The following IGSF21 variants were observed in gnomAD, a reference collection of about 807,000 sequenced individuals.
IGSF21 encodes immunoglobulin superfamily member 21.
Under a neutral mutation model 46.8 loss-of-function variants are expected in IGSF21, and 28 were observed. The observed-to-expected ratio is 0.60, with a 90% CI of 0.44 to 0.82. The LOEUF (loss-of-function observed/expected upper bound fraction) is 0.82. Among genes scored for constraint, IGSF21 ranks in the 40% least tolerant of loss-of-function variants. IGSF21 has a pLI of 0.00. For missense variants in IGSF21, 624 were observed against 665.5 expected (o/e 0.94, Z 0.69); for synonymous variants, 284 against 273.6 (o/e 1.04, Z -0.38).
intron 4 of IGSF21, among the ~76,000 whole-genome samples, chr1:18,352,264 G>A (rs708087): frequency 0.83 from 126,341 of 152,106 alleles, 53,074 homozygotes; most frequent in Non-Finnish European, 0.9. Flanking sequence ...CAAGCCCTTA[G>A]TTCACATAAT....
At chr1:18,124,990 G>C (rs1239201855) in intron 1 of IGSF21, among the ~76,000 whole-genome samples, 1 of 152,136 alleles carries the variant, frequency 6.6e-6, no homozygotes, top group Non-Finnish European at 1.5e-5. Flanking sequence ...TGTGCCGCCA[G>C]CATCCCCTCC....
intron 1 of IGSF21, among the ~76,000 whole-genome samples, chr1:18,189,006 C>T (rs919348665): frequency 2.0e-5 from 3 of 152,164 alleles, no homozygotes; most frequent in African/African-American, 7.2e-5. Flanking sequence ...GCTGGCACTG[C>T]CCCTGGGCTC....
chr1:18,264,274 G>T (rs1048430480), intron 2 of IGSF21, among the ~76,000 whole-genome samples: 1 of 152,102 alleles, frequency 6.6e-6, no homozygotes, highest in Non-Finnish European at 1.5e-5. Context: ...ATGCATTTAT[G>T]AACCACTTTT....
chr1:18,117,216 G>A (rs899152268), intron 1 of IGSF21, among the ~76,000 whole-genome samples: 2 of 152,204 alleles, frequency 1.3e-5, no homozygotes, highest in Non-Finnish European at 2.9e-5. Context: ...AAATGCCATC[G>A]TTTGGAGATG....
chr1:18,376,453 A>G, intron 7 of IGSF21, 58 bp downstream of exon 7: 1 of 1,206,308 alleles, frequency 8.3e-7, no homozygotes, highest in Non-Finnish European at 1.2e-6. Flanking sequence ...GCACCGACCC[A>G]GCACCAGCAT....
chr1:18,338,689 G>T (rs998982695), intron 4 of IGSF21, among the ~76,000 whole-genome samples: 2 of 152,162 alleles, frequency 1.3e-5, no homozygotes, highest in African/African-American at 2.4e-5. Context: ...GTAATTTCAC[G>T]CCTATAACAT....
chr1:18,372,511 T>TTGAA (rs2086234185), intron 6 of IGSF21, among the ~76,000 whole-genome samples: 1 of 134,934 alleles, frequency 7.4e-6, no homozygotes, highest in Middle Eastern at 3.9e-3. Context: ...CTTGGATGGA[T>TTGAA]GGAAGGATGG....
intron 2 of IGSF21, among the ~76,000 whole-genome samples, chr1:18,284,551 A>G (rs1569723054): frequency 6.6e-6 from 1 of 152,158 alleles, no homozygotes; most frequent in East Asian, 1.9e-4. Flanking sequence ...TTCTTTTAGT[A>G]TTTCTCACAA....
chr1:18,368,620 C>T (rs2086192589), intron 6 of IGSF21, among the ~76,000 whole-genome samples: 1 of 152,196 alleles, frequency 6.6e-6, no homozygotes, highest in Non-Finnish European at 1.5e-5. Flanking sequence ...TCCGACCCCT[C>T]TCTTGGTCCT....
At chr1:18,237,381 G>A (rs185673611) in intron 2 of IGSF21, among the ~76,000 whole-genome samples, 1 of 152,272 alleles carries the variant, frequency 6.6e-6, no homozygotes, top group African/African-American at 2.4e-5. Context: ...TTCCCGTCCA[G>A]TTGCCCATCA....
At chr1:18,307,500 C>A (rs1193555370) in intron 3 of IGSF21, among the ~76,000 whole-genome samples, 1 of 152,212 alleles carries the variant, frequency 6.6e-6, no homozygotes, top group Admixed American at 6.5e-5. Context: ...AAAGATGGAG[C>A]TCAGAGAGGT....
At chr1:18,292,261 C>T (rs2085274860) in intron 3 of IGSF21, among the ~76,000 whole-genome samples, 2 of 152,370 alleles carry the variant, frequency 1.3e-5, no homozygotes, top group Admixed American at 6.5e-5. Context: ...TTCCAAACTC[C>T]ATTTATTTCC....
At chr1:18,275,540 G>A (rs2085092412) in intron 2 of IGSF21, among the ~76,000 whole-genome samples, 1 of 152,084 alleles carries the variant, frequency 6.6e-6, no homozygotes, top group Non-Finnish European at 1.5e-5. Context: ...TCTCTCTGAC[G>A]ATGCTGTTCT....
chr1:18,172,019 G>A (rs2086741842), intron 1 of IGSF21, among the ~76,000 whole-genome samples: 1 of 152,210 alleles, frequency 6.6e-6, no homozygotes, highest in African/African-American at 2.4e-5. Context: ...GGACAGGATT[G>A]TGTCTGCAGT....
intron 1 of IGSF21, among the ~76,000 whole-genome samples, chr1:18,194,697 T>C (rs1356046149): frequency 6.6e-6 from 1 of 152,210 alleles, no homozygotes; most frequent in Admixed American, 6.5e-5. Context: ...TGCAAAGACC[T>C]ATTTCCAAAT....
At position 18,337,077 on chromosome 1, in the gene IGSF21, G is replaced by C. The variant is rs1166212841; in HGVS notation, c.424+2067G>C. On this transcript the variant is annotated intron_variant, in intron 4 of 9. Transcript: ENST00000251296. This position sits in a 1 kb window ranked among gnomAD's most constrained non-coding sequence, Gnocchi z 5.7. Reference sequence around the variant, plus strand: ...CAGTATAAGATGAGATTTGAGTTGGGACACAGCCAAACCATATCATGTATC... The same window carrying C: ...CAGTATAAGATGAGATTTGAGTTGGCACACAGCCAAACCATATCATGTATC... 5.3e-5 allele frequency among the ~76,000 whole-genome samples: 8 copies of C among 152,150 alleles called. No homozygotes were observed. The highest frequency in any genetic ancestry group is 5.2e-4 in the Admixed American group (8 of 15,272).
At chr1:18,122,490 C>T (rs1170365095) in intron 1 of IGSF21, among the ~76,000 whole-genome samples, 1 of 152,138 alleles carries the variant, frequency 6.6e-6, no homozygotes, top group Non-Finnish European at 1.5e-5. Context: ...CACGCCAAGC[C>T]ACCCCAACTG....
Position 18,338,644 on chromosome 1 carries a change from G to A in IGSF21, c.424+3634G>A, listed in dbSNP as rs1207756822. Among the ~76,000 whole-genome samples the A allele has an allele frequency of 2.6e-5, 4 of 152,290 alleles. No homozygotes were observed. In the East Asian group the frequency reaches 5.8e-4, roughly 22 times the overall value. The stretch of plus-strand genomic sequence containing the variant: ...ACATTCTAACGCGGCCATTTCCAGA[G>A]GCCTCCGGGTGAAGATGAAAACGCG... On this transcript the variant is annotated intron_variant, in intron 4 of 9. Coordinates refer to ENST00000251296, the MANE Select transcript of IGSF21 (RefSeq NM_032880.5).
At chr1:18,305,304 G>C (rs1445615738) in intron 3 of IGSF21, among the ~76,000 whole-genome samples, 2 of 150,948 alleles carry the variant, frequency 1.3e-5, no homozygotes, top group African/African-American at 2.4e-5. Flanking sequence ...TGGATGCATG[G>C]ATAGATAATG....
Sources: allele counts gnomAD v4.1 joint callset (sites outside exome capture counted in the v4.1 genomes callset), GRCh38; gene constraint gnomAD v4.1.1; non-coding constraint Gnocchi (gnomAD v3.1); transcripts MANE v1.5; gene names NCBI Gene and HGNC (gene_info 2026-07-23, HGNC 2026-07-21).